The following SPATA6L variants were observed in gnomAD, a reference collection of about 807,000 sequenced individuals.
The protein encoded by SPATA6L is spermatogenesis associated 6-like protein.
Under a neutral mutation model 49.2 loss-of-function variants are expected in SPATA6L, and 68 were observed. The ratio of observed to expected loss-of-function variants is 1.38; its 90% CI spans 1.14 to 1.69. SPATA6L has a LOEUF of 1.69. SPATA6L is among the 40% of genes most tolerant of loss of function. SPATA6L has a pLI of 0.00. For synonymous variants in SPATA6L, 198 were observed against 165.7 expected, an observed-to-expected ratio of 1.19 and a Z score of -1.50; for missense variants, 668 against 464.3, an observed-to-expected ratio of 1.44 and a Z score of -4.03.
intron 2 of SPATA6L, among the ~76,000 whole-genome samples, chr9:4,660,684 T>C (rs888515214): frequency 6.6e-6 from 1 of 152,248 alleles, no homozygotes; most frequent in Non-Finnish European, 1.5e-5. Context: ...TTACTGGGTA[T>C]ATACCCAAAG....
chr9:4,657,043 GCCAAATCTTTATATTTTCTTCTTGAA>G (rs1196463266), intron 2 of SPATA6L, among the ~76,000 whole-genome samples: 1 of 152,178 alleles, frequency 6.6e-6, no homozygotes, highest in Non-Finnish European at 1.5e-5. Context: ...TCTAGCCATT[GCCAAATCTTTATATTTTCTTCTTGAA>G]ACAAAAGGGC....
chr9:4,622,558 G>C, intron 6 of SPATA6L, 48 bp from the exon 7 acceptor site: 2 of 1,290,622 alleles, frequency 1.5e-6, no homozygotes, highest in Non-Finnish European at 2.2e-6. Flanking sequence ...ATAGCTTCTA[G>C]TACCCTCCCC....
In SPATA6L at chr9:4,625,459, G is replaced by T; in HGVS notation, c.537C>A (p.Pro179=). ...KLKENNLNRL[P]KGMQARAPSQ... is the part of the protein sequence containing the mutation. ...AGGGCGCCCGGGCTTGCATGCCTTT[G>T]GGCAGTCTGTTGAGATTATTCTCCT... Residue 179 remains proline, a synonymous_variant, in exon 6 of 12, where the codon CCC becomes CCA. Coordinates refer to ENST00000682582, the MANE Select transcript of SPATA6L (RefSeq NM_001353486.2). 6.2e-7 allele frequency: 1 copy of T among 1,614,046 alleles called. No individual in the cohort carries two copies. Among genetic ancestry groups the T allele is most frequent in the Non-Finnish European group, 8.5e-7 (1 of 1,179,986 alleles).
chr9:4,645,564 G>A (rs1321495304), intron 3 of SPATA6L, among the ~76,000 whole-genome samples: 3 of 152,040 alleles, frequency 2.0e-5, no homozygotes, highest in South Asian at 2.1e-4. Context: ...TGACTCCCAC[G>A]ATAACCCATC....
intron 4 of SPATA6L, among the ~76,000 whole-genome samples, chr9:4,630,762 C>T (rs10974672): frequency 0.064 from 9,693 of 152,276 alleles, 494 homozygotes; most frequent in Admixed American, 0.15. Flanking sequence ...TGTGCCAGTG[C>T]TATTAAGGGT....
At chr9:4,616,615 C>T (rs558896296) in intron 9 of SPATA6L, among the ~76,000 whole-genome samples, 5 of 152,216 alleles carry the variant, frequency 3.3e-5, no homozygotes, top group South Asian at 2.1e-4. Context: ...AACGGAATTG[C>T]GCTCTTGTTG....
intron 13 of SPATA6L, among the ~76,000 whole-genome samples, chr9:4,593,109 C>T (rs1250968989): frequency 6.6e-6 from 1 of 152,112 alleles, no homozygotes; most frequent in Non-Finnish European, 1.5e-5. Context: ...AGTACTTTGC[C>T]CAAGTTCACA....
chr9:4,597,855 G>A (rs931438149), downstream of SPATA6L, among the ~76,000 whole-genome samples: 8 of 152,172 alleles, frequency 5.3e-5, no homozygotes, highest in African/African-American at 1.7e-4. Context: ...GGACTACAGA[G>A]CATATCCTGT....
chr9:4,645,062 G>C (rs572888778), intron 3 of SPATA6L, among the ~76,000 whole-genome samples: 1 of 152,148 alleles, frequency 6.6e-6, no homozygotes, highest in Non-Finnish European at 1.5e-5. Context: ...AAAAAGACCT[G>C]TATTTATGAA....
chr9:4,613,243 A>G (rs962008408), intron 9 of SPATA6L, among the ~76,000 whole-genome samples: 3 of 151,900 alleles, frequency 2.0e-5, no homozygotes, highest in Non-Finnish European at 4.4e-5. Context: ...AAAAAAAGAA[A>G]GAAAGAAAGA....
At chr9:4,606,098 T>C (rs1824842257) in intron 9 of SPATA6L, among the ~76,000 whole-genome samples, 1 of 152,038 alleles carries the variant, frequency 6.6e-6, no homozygotes, top group Admixed American at 6.5e-5. Context: ...ACTGCGCTTT[T>C]CCTACGGGCT....
At chr9:4,660,180 G>T (rs1441800994) in intron 2 of SPATA6L, among the ~76,000 whole-genome samples, 2 of 152,184 alleles carry the variant, frequency 1.3e-5, no homozygotes, top group Non-Finnish European at 2.9e-5. Flanking sequence ...ATTGACAAAT[G>T]GGATCTAATT....
chr9:4,659,466 C>T (rs1156701197), intron 2 of SPATA6L, among the ~76,000 whole-genome samples: 4 of 151,444 alleles, frequency 2.6e-5, no homozygotes, highest in African/African-American at 9.7e-5. Context: ...ATACAACTTA[C>T]AAGGGATGTG....
intron 3 of SPATA6L, among the ~76,000 whole-genome samples, chr9:4,644,640 T>C (rs1207029663): frequency 1.3e-5 from 2 of 150,830 alleles, no homozygotes; most frequent in African/African-American, 4.9e-5. Context: ...CAGAGGAGAA[T>C]TTTCTGAGTT....
At chr9:4,621,849 T>C (rs999952770) in intron 7 of SPATA6L, among the ~76,000 whole-genome samples, 2 of 152,170 alleles carry the variant, frequency 1.3e-5, no homozygotes, top group Non-Finnish European at 2.9e-5. Context: ...TAACTACTGA[T>C]ATTATCCACA....
At chr9:4,645,666 A>C (rs945701815) in intron 3 of SPATA6L, among the ~76,000 whole-genome samples, 14 of 152,242 alleles carry the variant, frequency 9.2e-5, no homozygotes, top group African/African-American at 3.4e-4. Context: ...AGGCACAAAA[A>C]GGAATTAAAA....
At chr9:4,616,905 C>T (rs1309436156) in intron 9 of SPATA6L, among the ~76,000 whole-genome samples, 1 of 152,138 alleles carries the variant, frequency 6.6e-6, no homozygotes, top group East Asian at 1.9e-4. Context: ...TTTTAAAAAT[C>T]TATGTTGTAT....
chr9:4,615,319 G>A (rs1827720387), intron 9 of SPATA6L, among the ~76,000 whole-genome samples: 2 of 152,074 alleles, frequency 1.3e-5, no homozygotes, highest in Non-Finnish European at 2.9e-5. Context: ...CAGAGATCAG[G>A]AGAAATGTCT....
At position 4,625,425 on chromosome 9, in the gene SPATA6L, A is replaced by G; in HGVS notation, c.571T>C (p.Ser191Pro). ...TGGTCCTGGAAGAAATGCCTGGTAG[A>G]ATATTGAGAGGGCGCCCGGGCTTGC... is the stretch of plus-strand genomic sequence containing the variant. Reference protein sequence around the residue: ...GMQARAPSQYSTRHFFQDQPA... With the variant: ...GMQARAPSQYPTRHFFQDQPA... Residue 191 changes from serine to proline, a missense_variant, in exon 6 of 12, where the codon TCT becomes CCT. Ser to Pro is a moderately conservative substitution (Grantham distance 74). Coordinates refer to ENST00000682582, the MANE Select transcript of SPATA6L (RefSeq NM_001353486.2). The G allele has an allele frequency of 6.2e-7, 1 of 1,614,124 alleles. No individual in the cohort carries two copies. The highest frequency in any genetic ancestry group is 8.5e-7 in the Non-Finnish European group (1 of 1,180,006).
Sources: allele counts gnomAD v4.1 joint callset (sites outside exome capture counted in the v4.1 genomes callset), GRCh38; gene constraint gnomAD v4.1.1; transcripts MANE v1.5; gene names NCBI Gene and HGNC (gene_info 2026-07-23, HGNC 2026-07-21).